The following EPB41L2 variants were observed in gnomAD, a reference collection of about 807,000 sequenced individuals.
The protein encoded by EPB41L2 is band 4.1-like protein 2.
In EPB41L2, 43 loss-of-function variants were observed where a neutral mutation model predicts 113.0. That is an observed-to-expected ratio of 0.38 (90% CI 0.30 to 0.49). The LOEUF (loss-of-function observed/expected upper bound fraction) is 0.49. Ranked by LOEUF, EPB41L2 falls within the 20% of genes least tolerant of loss-of-function variation. The pLI is 0.95. For synonymous variants in EPB41L2, 442 were observed against 436.7 expected (o/e 1.01, Z -0.15); for missense variants, 1,147 against 1,223.4 (o/e 0.94, Z 0.93).
At chr6:130,945,319 C>T (rs762926530) in intron 3 of EPB41L2, among the ~76,000 whole-genome samples, 3 of 152,076 alleles carry the variant, frequency 2.0e-5, no homozygotes, top group Admixed American at 6.5e-5. Context: ...ATTGGATTTC[C>T]GAGACCCGAA....
intron 4 of EPB41L2, among the ~76,000 whole-genome samples, chr6:130,914,033 A>G (rs1243062897): frequency 1.3e-5 from 2 of 152,128 alleles, no homozygotes; most frequent in African/African-American, 2.4e-5. Context: ...ACATATATAA[A>G]CCGTGGAATC....
chr6:130,882,915 G>A (rs1789777373), intron 12 of EPB41L2: 1 of 152,712 alleles, frequency 6.5e-6, no homozygotes, highest in Non-Finnish European at 1.5e-5. Flanking sequence ...ATGGGAGAAG[G>A]ACAGTCAGGC....
At chr6:130,928,153 C>T (rs1805405045) in intron 3 of EPB41L2, among the ~76,000 whole-genome samples, 1 of 152,112 alleles carries the variant, frequency 6.6e-6, no homozygotes. Flanking sequence ...ATACATATTA[C>T]AGGTTTGCAA....
chr6:131,035,380 C>T (rs1793089611), intron 1 of EPB41L2, among the ~76,000 whole-genome samples: 1 of 152,176 alleles, frequency 6.6e-6, no homozygotes, highest in Non-Finnish European at 1.5e-5. Context: ...ACCTCCACAC[C>T]TTTGCCTTCT....
chr6:131,016,274 C>G (rs954044819), intron 1 of EPB41L2, among the ~76,000 whole-genome samples: 2 of 152,102 alleles, frequency 1.3e-5, no homozygotes, highest in African/African-American at 4.8e-5. Flanking sequence ...TTTAAATGAT[C>G]TTTCCAGTAA....
At chr6:131,005,642 C>A (rs78664276) in intron 1 of EPB41L2, among the ~76,000 whole-genome samples, 1 of 152,166 alleles carries the variant, frequency 6.6e-6, no homozygotes, top group Non-Finnish European at 1.5e-5. Context: ...GAAGACTATG[C>A]GAGTGTGTAT....
In EPB41L2 at chr6:130,938,901, C is replaced by T. The variant is rs550791304; in HGVS notation, c.706-12192G>A. Reference sequence around the variant, plus strand: ...TTTGAAAAAGTAGGGATTTTGTTTCCAGAGGAAGAAAAAGTAGGCAGGAAG... The same window carrying T: ...TTTGAAAAAGTAGGGATTTTGTTTCTAGAGGAAGAAAAAGTAGGCAGGAAG... On this transcript the variant is annotated intron_variant, in intron 3 of 19. Transcript: ENST00000337057. Among the ~76,000 whole-genome samples the T allele has an allele frequency of 9.9e-5, 15 of 152,092 alleles. No homozygotes were observed. In the South Asian group the frequency reaches 2.5e-3, roughly 25 times the overall value.
chr6:130,908,882 T>A lies in EPB41L2; in HGVS notation c.811-19A>T, dbSNP rs781726268. 3.2e-6 allele frequency: 5 copies of A among 1,578,294 alleles called. No individual in the cohort carries two copies. In the South Asian group the frequency reaches 3.4e-5, roughly 11 times the overall value. On this transcript the variant is annotated intron_variant, in intron 4 of 19. Coordinates refer to ENST00000337057, the MANE Select transcript of EPB41L2 (RefSeq NM_001431.4). Reference sequence around the variant, plus strand: ...ACCAGTTCTGCATGAGGGAAAAAAATTAATTCATAAGAAATATTCTAGAGT... The same window carrying A: ...ACCAGTTCTGCATGAGGGAAAAAAAATAATTCATAAGAAATATTCTAGAGT...
At chr6:130,914,537 G>A (rs1003567857) in intron 4 of EPB41L2, among the ~76,000 whole-genome samples, 1 of 152,044 alleles carries the variant, frequency 6.6e-6, no homozygotes, top group Non-Finnish European at 1.5e-5. Context: ...AATCCACCCG[G>A]CAAATTTTTT....
At position 131,002,977 on chromosome 6, in the gene EPB41L2, T is replaced by C. The variant is rs548310762; in HGVS notation, c.-14-46478A>G. On this transcript the variant is annotated intron_variant, in intron 1 of 19. Coordinates refer to ENST00000337057, the MANE Select transcript of EPB41L2 (RefSeq NM_001431.4). Reference sequence around the variant, plus strand: ...CAGAATGGTATAGTGAAAAATGTTCTGGAATAGGTGGAACCAATTCTAATT... The same window carrying C: ...CAGAATGGTATAGTGAAAAATGTTCCGGAATAGGTGGAACCAATTCTAATT... Among the ~76,000 whole-genome samples the C allele has an allele frequency of 3.3e-5, 5 of 152,362 alleles. No homozygotes were observed. The South Asian group carries it at 1.0e-3, about 32-fold the overall frequency.
chr6:131,048,195 TA>T (rs1408867736), intron 1 of EPB41L2, among the ~76,000 whole-genome samples: 1 of 149,274 alleles, frequency 6.7e-6, no homozygotes, highest in Non-Finnish European at 1.5e-5. Flanking sequence ...CAATAAAATC[TA>T]ACATAAACAT....
intron 10 of EPB41L2, 85 bp from the exon 11 acceptor site, chr6:130,890,551 G>A: frequency 7.0e-7 from 1 of 1,432,392 alleles, no homozygotes; most frequent in Non-Finnish European, 9.3e-7. Context: ...AAACTTTAAA[G>A]CTATGTACTT....
At chr6:131,044,035 T>G (rs1794955396) in intron 1 of EPB41L2, among the ~76,000 whole-genome samples, 1 of 149,882 alleles carries the variant, frequency 6.7e-6, no homozygotes, top group African/African-American at 2.5e-5. Context: ...TTTTTTTTTT[T>G]TTTTGAGACA....
intron 18 of EPB41L2, among the ~76,000 whole-genome samples, chr6:130,860,296 G>A (rs1184525656): frequency 6.6e-6 from 1 of 152,210 alleles, no homozygotes; most frequent in Non-Finnish European, 1.5e-5. Context: ...AAGAGAAAAT[G>A]TAGATGATGC....
At chr6:130,924,443 A>G (rs1803942767) in intron 4 of EPB41L2, among the ~76,000 whole-genome samples, 1 of 152,056 alleles carries the variant, frequency 6.6e-6, no homozygotes, top group Non-Finnish European at 1.5e-5. Flanking sequence ...CAATGCCACA[A>G]TCTCGGCTCA....
At chr6:130,864,944 A>G (rs1474758452) in intron 17 of EPB41L2, among the ~76,000 whole-genome samples, 1 of 152,210 alleles carries the variant, frequency 6.6e-6, no homozygotes, top group Non-Finnish European at 1.5e-5. Context: ...AATCACTGGA[A>G]GCTTCTTAAG....
intron 4 of EPB41L2, among the ~76,000 whole-genome samples, chr6:130,920,107 A>G (rs999027047): frequency 1.3e-5 from 2 of 152,176 alleles, no homozygotes; most frequent in African/African-American, 2.4e-5. Context: ...TTCTTCAAAC[A>G]TAACTTCTCT....
At chr6:130,982,514 G>A (rs1376420011) in intron 1 of EPB41L2, among the ~76,000 whole-genome samples, 1 of 152,110 alleles carries the variant, frequency 6.6e-6, no homozygotes, top group Non-Finnish European at 1.5e-5. Flanking sequence ...AAAAAAATAG[G>A]GGGAAATAAA....
chr6:130,850,988 A>G (rs955415873), intron 19 of EPB41L2, among the ~76,000 whole-genome samples: 1 of 152,234 alleles, frequency 6.6e-6, no homozygotes, highest in African/African-American at 2.4e-5. Flanking sequence ...CTAGCTTTTT[A>G]TTTCTATGCA....
Sources: allele counts gnomAD v4.1 joint callset (sites outside exome capture counted in the v4.1 genomes callset), GRCh38; gene constraint gnomAD v4.1.1; transcripts MANE v1.5; gene names NCBI Gene and HGNC (gene_info 2026-07-23, HGNC 2026-07-21).